The following MAN1C1 variants were observed in gnomAD, a reference collection of about 807,000 sequenced individuals.
MAN1C1 encodes the protein mannosyl-oligosaccharide 1,2-alpha-mannosidase IC.
Under a neutral mutation model 71.5 loss-of-function variants are expected in MAN1C1, and 49 were observed. The ratio of observed to expected loss-of-function variants is 0.69; its 90% confidence interval spans 0.54 to 0.87. MAN1C1 has a LOEUF of 0.87. Among genes scored for constraint, MAN1C1 ranks in the 40% least tolerant of loss-of-function variants. MAN1C1 has a pLI of 0.00. For synonymous variants in MAN1C1, 352 were observed against 343.7 expected, an observed-to-expected ratio of 1.02 and a Z score of -0.27; for missense variants, 743 against 835.0, an observed-to-expected ratio of 0.89 and a Z score of 1.36.
At chr1:25,698,613 A>T (rs888715748) in intron 2 of MAN1C1, among the ~76,000 whole-genome samples, 3 of 152,118 alleles carry the variant, frequency 2.0e-5, no homozygotes, top group African/African-American at 4.8e-5. Flanking sequence ...GTACAGGCTT[A>T]CACCAAGGGC....
At chr1:25,666,971 C>T (rs1427969044) in intron 1 of MAN1C1, among the ~76,000 whole-genome samples, 1 of 152,078 alleles carries the variant, frequency 6.6e-6, no homozygotes, top group Non-Finnish European at 1.5e-5. Flanking sequence ...CTGCTGTTTC[C>T]TATAGCTGGT....
intron 2 of MAN1C1, among the ~76,000 whole-genome samples, chr1:25,696,985 T>C (rs555280070): frequency 6.6e-6 from 1 of 152,322 alleles, no homozygotes; most frequent in Non-Finnish European, 1.5e-5. Flanking sequence ...CATAGATTAG[T>C]TTTGTCTGCT....
chr1:25,668,181 C>A (rs1247441615), intron 1 of MAN1C1, among the ~76,000 whole-genome samples: 2 of 152,144 alleles, frequency 1.3e-5, no homozygotes, highest in Admixed American at 6.5e-5. Flanking sequence ...AAACGAGGTG[C>A]ATTTTTTTCA....
At chr1:25,673,235 G>A (rs2046017826) in intron 1 of MAN1C1, among the ~76,000 whole-genome samples, 1 of 152,188 alleles carries the variant, frequency 6.6e-6, no homozygotes. Flanking sequence ...CGGAGCACCT[G>A]CGAACACTTA....
rs930034079 is a variant in MAN1C1, at chr1:25,711,787, G to A, written c.637+25251G>A. ...AGGAAGTGATCAGTCTTTGCAAGCC[G>A]TGCTGTCCTGTGTGTGAAAGAGGAT... is the stretch of plus-strand genomic sequence containing the variant. On this transcript the variant is annotated intron_variant, in intron 2 of 11. Coordinates refer to ENST00000374332, the MANE Select transcript of MAN1C1 (RefSeq NM_020379.4). The surrounding 1 kb of genome is among the most constrained non-coding windows in gnomAD (Gnocchi z 4.3). Among the ~76,000 whole-genome samples the A allele has an allele frequency of 6.6e-6, 1 of 152,266 alleles. No homozygotes were observed. The highest frequency in any genetic ancestry group is 1.9e-4 in the East Asian group (1 of 5,184).
In MAN1C1 at chr1:25,618,106, C is replaced by T. The variant is rs1339366223; in HGVS notation, c.309C>T (p.Arg103=). The T allele has an allele frequency of 3.3e-6, 5 of 1,512,858 alleles. No homozygotes were observed. Among genetic ancestry groups the T allele is most frequent in the Non-Finnish European group, 4.4e-6 (5 of 1,138,584 alleles). 93.7% of individuals were successfully genotyped at this position (1,512,858 alleles called of 1,614,324 possible). ...ACCCCAGCAGCTGGGCCAGTCCCCG[C>T]CGCAGGAAAGGGGGGCTGCGGCGCA... ...EDDPSSWASP[R]RRKGGLRRTR... is the part of the protein sequence containing the mutation. Residue 103 remains arginine, a synonymous_variant, in exon 1 of 12, where the codon CGC becomes CGT. Transcript: ENST00000374332.
chr1:25,639,180 A>G (rs1005551803), intron 1 of MAN1C1, among the ~76,000 whole-genome samples: 3 of 152,120 alleles, frequency 2.0e-5, no homozygotes, highest in African/African-American at 7.2e-5. Context: ...TTTTACTTTT[A>G]GAATTTCCAT....
At chr1:25,688,742 G>A (rs950411407) in intron 2 of MAN1C1, among the ~76,000 whole-genome samples, 2 of 152,218 alleles carry the variant, frequency 1.3e-5, no homozygotes, top group African/African-American at 4.8e-5. Context: ...CTTGGTCCCT[G>A]TTAGTTCATC....
In MAN1C1 at chr1:25,708,706, G is replaced by A. The variant is rs1450752830; in HGVS notation, c.637+22170G>A. On this transcript the variant is annotated intron_variant, in intron 2 of 11. Coordinates refer to ENST00000374332, the MANE Select transcript of MAN1C1 (RefSeq NM_020379.4). ...TTGAGACCAGCCTGGGCAACGTGGAGAAATCCTGTCTCTACTGAAAATACA... is the reference window on the plus strand; with the variant it reads ...TTGAGACCAGCCTGGGCAACGTGGAAAAATCCTGTCTCTACTGAAAATACA... Among the ~76,000 whole-genome samples the A allele has an allele frequency of 4.6e-5, 7 of 152,176 alleles. No individual in the cohort carries two copies. The South Asian group carries it at 6.2e-4, about 14-fold the overall frequency.
intron 2 of MAN1C1, among the ~76,000 whole-genome samples, chr1:25,703,419 C>A (rs2046473751): frequency 6.6e-6 from 1 of 152,176 alleles, no homozygotes; most frequent in Non-Finnish European, 1.5e-5. Context: ...CGGTGGCTCA[C>A]ACCTGTAATC....
Position 25,778,306 on chromosome 1 carries a change from G to A in MAN1C1, c.1459G>A (p.Glu487Lys), listed in dbSNP as rs1371141247. Residue 487 changes from glutamate (E) to lysine (K), a missense_variant, in exon 9 of 12, where the codon GAG (glutamate) becomes AAG (lysine). Glu to Lys is a moderately conservative substitution (Grantham distance 56). Coordinates refer to ENST00000374332, the MANE Select transcript of MAN1C1 (RefSeq NM_020379.4). The surrounding 1 kb of genome is among the most constrained non-coding windows in gnomAD (Gnocchi z 5.5). ...LAAQITKTCH[E>K]SYARSDTKLG... Reference sequence around the variant, plus strand: ...AGCCCAGATCACCAAGACGTGTCACGAGTCATACGCCCGCTCAGGTAACCC... The same window carrying A: ...AGCCCAGATCACCAAGACGTGTCACAAGTCATACGCCCGCTCAGGTAACCC... 1.6e-5 allele frequency: 25 copies of A among 1,612,428 alleles called. No homozygotes were observed. Among genetic ancestry groups the A allele is most frequent in the East Asian group, 2.2e-5 (1 of 44,834 alleles).
intron 2 of MAN1C1, among the ~76,000 whole-genome samples, chr1:25,742,396 C>G (rs374465707): frequency 3.9e-5 from 6 of 152,200 alleles, no homozygotes; most frequent in East Asian, 3.9e-4. Flanking sequence ...ATGGCCTCGG[C>G]AGCAGATACA....
chr1:25,759,740 T>A (rs1404313030), intron 6 of MAN1C1: 1 of 152,208 alleles, frequency 6.6e-6, no homozygotes, highest in Non-Finnish European at 1.5e-5. Flanking sequence ...ATGTGCTTTT[T>A]GACGCATGGT....
At chr1:25,698,904 C>T (rs1007567025) in intron 2 of MAN1C1, among the ~76,000 whole-genome samples, 82 of 150,862 alleles carry the variant, frequency 5.4e-4, no homozygotes, top group African/African-American at 1.9e-3. Flanking sequence ...GTGGAGATCG[C>T]GCCACTGCAC....
chr1:25,630,894 C>T (rs999153519), intron 1 of MAN1C1, among the ~76,000 whole-genome samples: 2 of 152,126 alleles, frequency 1.3e-5, no homozygotes, highest in African/African-American at 4.8e-5. Context: ...TTTGGATGTC[C>T]TTTATTCCTT....
At chr1:25,655,373 C>T (rs1399544117) in intron 1 of MAN1C1, among the ~76,000 whole-genome samples, 1 of 152,186 alleles carries the variant, frequency 6.6e-6, no homozygotes, top group Non-Finnish European at 1.5e-5. Context: ...AAGGTGAGGG[C>T]GAGCTGAAGA....
In MAN1C1 at chr1:25,660,396, CTTTTTTTTTTTTT is replaced by C. The variant is rs1178878513; in HGVS notation, c.541-26028_541-26016del. On this transcript the variant is annotated intron_variant, in intron 1 of 11. Transcript: ENST00000374332. ...AGCTTGGGCAACAAGAGTGAAATTC[CTTTTTTTTTTTTT>C]TTTTTTTTTTTTTTTGAGTGTCGCC... is the stretch of plus-strand genomic sequence containing the variant. Among the ~76,000 whole-genome samples the C allele has an allele frequency of 1.0e-4, 10 of 97,630 alleles. No homozygotes were observed. The East Asian group carries it at 1.6e-3, about 16-fold the overall frequency. 64.0% of individuals were successfully genotyped at this position (97,630 alleles called of 152,430 possible).
At chr1:25,641,791 G>GA (rs2045540974) in intron 1 of MAN1C1, among the ~76,000 whole-genome samples, 1 of 152,202 alleles carries the variant, frequency 6.6e-6, no homozygotes, top group South Asian at 2.1e-4. Flanking sequence ...AATTGAGTGA[G>GA]AAAAAAGCTG....
chr1:25,632,800 T>A (rs1302031556), intron 1 of MAN1C1, among the ~76,000 whole-genome samples: 1 of 152,160 alleles, frequency 6.6e-6, no homozygotes, highest in East Asian at 1.9e-4. Context: ...TTTTGAGGGT[T>A]CCTTTTGGAG....
Sources: allele counts gnomAD v4.1 joint callset (sites outside exome capture counted in the v4.1 genomes callset), GRCh38; gene constraint gnomAD v4.1.1; non-coding constraint Gnocchi (gnomAD v3.1); transcripts MANE v1.5; gene names NCBI Gene and HGNC (gene_info 2026-07-23, HGNC 2026-07-21).